Variants in MTA3 observed in about 807,000 individuals in gnomAD.
MTA3 encodes metastasis-associated protein MTA3.
A neutral mutation model predicts 83.5 loss-of-function variants in MTA3; 34 were observed. That is an observed-to-expected ratio of 0.41 (90% CI 0.31 to 0.54). The LOEUF (loss-of-function observed/expected upper bound fraction) is 0.54, where lower values mean the gene tolerates loss of function less well. MTA3 is among the 20% of genes least tolerant of loss of function. The probability of loss-of-function intolerance (pLI) is 0.33; values close to 1 mark genes in which losing one functional copy is unlikely to be tolerated. For missense variants in MTA3, 761 were observed against 726.4 expected, an observed-to-expected ratio of 1.05 and a Z score of -0.55; for synonymous variants, 303 against 252.7, an observed-to-expected ratio of 1.20 and a Z score of -1.89.
At chr2:42,704,058 C>T in intron 11 of MTA3, 136 bp from the exon 12 acceptor site, 1 of 1,013,100 alleles carries the variant, frequency 9.9e-7, no homozygotes, top group Non-Finnish European at 1.4e-6. Context: ...TTGGTTTTAC[C>T]AGTTTATTTC....
chr2:42,716,645 T>A (rs1351761047), intron 14 of MTA3, among the ~76,000 whole-genome samples: 1 of 152,236 alleles, frequency 6.6e-6, no homozygotes, highest in Non-Finnish European at 1.5e-5. Context: ...TCCATGTTCC[T>A]GCAAAGGACA....
chr2:42,531,184 A>G (rs1157549555), intron 2 of MTA3, among the ~76,000 whole-genome samples: 1 of 152,106 alleles, frequency 6.6e-6, no homozygotes, highest in Non-Finnish European at 1.5e-5. Flanking sequence ...GGACTTTCAT[A>G]AGACAGCAAA....
intron 11 of MTA3, among the ~76,000 whole-genome samples, chr2:42,699,985 G>C (rs889235217): frequency 6.6e-6 from 1 of 152,100 alleles, no homozygotes. Context: ...TAAAATGATA[G>C]CTAGGCGAGT....
chr2:42,558,578 CAG>C (rs1356313818), intron 2 of MTA3, among the ~76,000 whole-genome samples: 4 of 147,862 alleles, frequency 2.7e-5, no homozygotes, highest in African/African-American at 1.0e-4. Context: ...TTTTTTGAGA[CAG>C]AGTCTCACTC....
At chr2:42,681,903 A>G (rs74419573) in intron 8 of MTA3, among the ~76,000 whole-genome samples, 1 of 145,366 alleles carries the variant, frequency 6.9e-6, no homozygotes, top group Non-Finnish European at 1.5e-5. Context: ...AAAAAGAAAG[A>G]AAAAAAAAAG....
At chr2:42,682,813 C>A in intron 9 of MTA3, 2 of 454,700 alleles carry the variant, frequency 4.4e-6, no homozygotes, top group South Asian at 5.9e-5. Context: ...TGGCTCACGT[C>A]TGTAATTCCA....
chr2:42,509,675 G>A (rs761058491), intron 2 of MTA3, among the ~76,000 whole-genome samples: 23 of 152,076 alleles, frequency 1.5e-4, no homozygotes, highest in Non-Finnish European at 2.6e-4. Flanking sequence ...GGAGGCTGAG[G>A]TGGGAGGTTC....
intron 4 of MTA3, among the ~76,000 whole-genome samples, chr2:42,612,190 A>G (rs1397227764): frequency 2.0e-5 from 3 of 152,006 alleles, no homozygotes; most frequent in Non-Finnish European, 4.4e-5. Flanking sequence ...GTTGTGTGTA[A>G]CTAATGATGC....
chr2:42,678,658 C>G (rs553429039), intron 8 of MTA3, among the ~76,000 whole-genome samples: 5 of 152,292 alleles, frequency 3.3e-5, no homozygotes, highest in African/African-American at 1.2e-4. Flanking sequence ...GAGATGTCAA[C>G]CCTTGTTAAA....
chr2:42,726,030 A>T (rs1573772439), intron 16 of MTA3, among the ~76,000 whole-genome samples: 1 of 152,234 alleles, frequency 6.6e-6, no homozygotes, highest in East Asian at 1.9e-4. Flanking sequence ...AGATGAACTC[A>T]AAGTACTGGA....
At chr2:42,682,657 A>G in intron 9 of MTA3, 68 bp downstream of exon 9, 1 of 1,367,956 alleles carries the variant, frequency 7.3e-7, no homozygotes, top group Non-Finnish European at 1.0e-6. Context: ...AATCTGGTAA[A>G]CCTTACAGTA....
At chr2:42,498,486 A>G (rs545755996) in intron 2 of MTA3, among the ~76,000 whole-genome samples, 89 of 152,372 alleles carry the variant, frequency 5.8e-4, no homozygotes, top group African/African-American at 2.1e-3. Context: ...TTTAGGCCTC[A>G]CAGGGCCTGT....
intron 2 of MTA3, among the ~76,000 whole-genome samples, chr2:42,510,830 A>C (rs1354426428): frequency 7.9e-5 from 12 of 152,172 alleles, no homozygotes; most frequent in Admixed American, 7.9e-4. Flanking sequence ...TCTGACCCTT[A>C]TCACATCACA....
intron 12 of MTA3, among the ~76,000 whole-genome samples, chr2:42,707,107 G>A (rs1314664368): frequency 6.6e-6 from 1 of 151,928 alleles, no homozygotes; most frequent in Non-Finnish European, 1.5e-5. Context: ...TGGGACTACA[G>A]GGGTTCACCA....
At chr2:42,494,374 C>G (rs1674032979), upstream of MTA3, among the ~76,000 whole-genome samples, 1 of 151,022 alleles carries the variant, frequency 6.6e-6, no homozygotes, top group Non-Finnish European at 1.5e-5. Flanking sequence ...GACTCGGGTG[C>G]GGGGACAGAC....
At chr2:42,669,911 A>G (rs1690641936) in intron 8 of MTA3, among the ~76,000 whole-genome samples, 1 of 152,180 alleles carries the variant, frequency 6.6e-6, no homozygotes, top group South Asian at 2.1e-4. Flanking sequence ...TTTGTCTAGG[A>G]TAATTGGTGG....
intron 3 of MTA3, among the ~76,000 whole-genome samples, chr2:42,597,592 G>T (rs1044976307): frequency 2.0e-5 from 3 of 150,278 alleles, no homozygotes; most frequent in African/African-American, 7.4e-5. Context: ...CACCATGTTG[G>T]CCAGGCTGGT....
intron 3 of MTA3, among the ~76,000 whole-genome samples, chr2:42,589,517 A>G (rs898672524): frequency 3.9e-5 from 6 of 152,218 alleles, no homozygotes; most frequent in African/African-American, 1.4e-4. Context: ...ATTTTAATAA[A>G]TGAGTACTGT....
intron 5 of MTA3, 108 bp downstream of exon 5, chr2:42,640,344 T>G: frequency 1.3e-6 from 1 of 753,818 alleles, no homozygotes; most frequent in Non-Finnish European, 2.1e-6. Flanking sequence ...CACCATTATA[T>G]TAATAGCAGT....
Sources: allele counts gnomAD v4.1 joint callset (sites outside exome capture counted in the v4.1 genomes callset), GRCh38; gene constraint gnomAD v4.1.1; transcripts MANE v1.5; gene names NCBI Gene and HGNC (gene_info 2026-07-23, HGNC 2026-07-21).